The following NAALADL1 variants were observed in gnomAD, a reference collection of about 807,000 sequenced individuals.
The protein encoded by NAALADL1 is aminopeptidase NAALADL1.
NAALADL1 carries 77 observed loss-of-function variants against 82.8 expected under a neutral mutation model. That is an observed-to-expected ratio of 0.93 (90% CI 0.77 to 1.12). NAALADL1 has a LOEUF of 1.12. NAALADL1 is among the 50% of genes most tolerant of loss of function. The pLI, the probability that NAALADL1 is intolerant of heterozygous loss-of-function variation, is 0.00. For synonymous variants in NAALADL1, 358 were observed against 399.2 expected, an observed-to-expected ratio of 0.90 and a Z score of 1.23; for missense variants, 956 against 964.0, an observed-to-expected ratio of 0.99 and a Z score of 0.11.
Position 65,045,236 on chromosome 11 carries a change from G to A in NAALADL1, c.*35C>T, listed in dbSNP as rs540981254. On this transcript the variant is annotated 3_prime_UTR_variant, in exon 18 of 18. Coordinates refer to ENST00000358658, the MANE Select transcript of NAALADL1 (RefSeq NM_005468.3). ...TCAGGAAAGCAGGCAGGAGAGGGTT[G>A]GAGTAAAGGGAGGGCTGAAGAAAGA... 4 of 1,594,040 alleles carry A rather than the reference G, an allele frequency of 2.5e-6. No homozygotes were observed. In the South Asian group the frequency reaches 4.5e-5, roughly 18 times the overall value.
chr11:65,048,438 G>A, intron 8 of NAALADL1, 53 bp from the exon 9 acceptor site: 1 of 1,594,290 alleles, frequency 6.3e-7, no homozygotes, highest in Non-Finnish European at 8.6e-7. Flanking sequence ...ATCCTAGGGT[G>A]CCTTAGGAGA....
chr11:65,056,644 C>T (rs542959356), intron 4 of NAALADL1, among the ~76,000 whole-genome samples: 1 of 151,192 alleles, frequency 6.6e-6, no homozygotes, highest in South Asian at 2.1e-4. Context: ...TGAACTCAGG[C>T]AATCCGCCTG....
rs370053195 is a variant in NAALADL1, at chr11:65,057,793, C to T, written c.480+82G>A. ...GGCGCGCTGTGCCCCAGTTGAGGCA[C>T]GTTCCCTGGGTCAGGGTGGGGAGAA... On this transcript the variant is annotated intron_variant, in intron 3 of 17. Coordinates refer to ENST00000358658, the MANE Select transcript of NAALADL1 (RefSeq NM_005468.3). 4.6e-5 allele frequency: 73 copies of T among 1,586,168 alleles called. No individual in the cohort carries two copies. In the East Asian group the frequency reaches 5.0e-4, roughly 11 times the overall value.
In NAALADL1 at chr11:65,053,671, G is replaced by A. The variant is rs151105349; in HGVS notation, c.993-95C>T. 18 of 1,127,330 alleles carry A rather than the reference G, an allele frequency of 1.6e-5. No individual in the cohort carries two copies. The Admixed American group carries it at 1.6e-4, about 10-fold the overall frequency. The allele number at this position is 1,127,330 out of a possible 1,614,324, so 69.8% of individuals were successfully genotyped here. A position where few individuals can be genotyped will look rare whatever the true frequency, so the allele number is the denominator to read the frequency against. On this transcript the variant is annotated intron_variant, in intron 6 of 17. Coordinates refer to ENST00000358658, the MANE Select transcript of NAALADL1 (RefSeq NM_005468.3). This position sits in a 1 kb window ranked among gnomAD's most constrained non-coding sequence, Gnocchi z 4.3. ...CTGAGGCCCGGAGCTGGAAAGTGAC[G>A]TGGCAAGGCCATTCATTGGCCCCGA...
chr11:65,048,084 A>G, intron 10 of NAALADL1, 36 bp from the exon 11 acceptor site: 1 of 1,613,708 alleles, frequency 6.2e-7, no homozygotes, highest in Non-Finnish European at 8.5e-7. Context: ...TTTGGGCCCC[A>G]GCCCCTTCTT....
At chr11:65,056,263 C>T (rs183890914) in intron 4 of NAALADL1, among the ~76,000 whole-genome samples, 79 of 152,296 alleles carry the variant, frequency 5.2e-4, no homozygotes, top group Admixed American at 4.1e-3. Flanking sequence ...GCATTCAGTA[C>T]ATCCATATTG....
rs1481472557 is a variant in NAALADL1, at chr11:65,046,469, A to T, written c.1657T>A (p.Tyr553Asn). 1 of 1,614,128 alleles carries T rather than the reference A, an allele frequency of 6.2e-7. No individual in the cohort carries two copies. Among genetic ancestry groups the T allele is most frequent in the Non-Finnish European group, 8.5e-7 (1 of 1,180,016 alleles). The change falls in exon 14 of 18, where the codon TAT (tyrosine) becomes AAT (asparagine). Residue 553 changes from tyrosine to asparagine, a missense_variant. Physicochemically the swap from Tyr to Asn is moderately radical, Grantham distance 143 (BLOSUM62 -2). Coordinates refer to ENST00000358658, the MANE Select transcript of NAALADL1 (RefSeq NM_005468.3). Reference sequence around the variant, plus strand: ...CCCGGGTCCAAAAACTTGTCCACATAGTCAAAGGTGTCAAAGGCTGTGTGG... The same window carrying T: ...CCCGGGTCCAAAAACTTGTCCACATTGTCAAAGGTGTCAAAGGCTGTGTGG... ...TYHTAFDTFD[Y>N]VDKFLDPGFS...
intron 8 of NAALADL1, among the ~76,000 whole-genome samples, chr11:65,049,683 G>A (rs1357960472): frequency 6.6e-6 from 1 of 152,068 alleles, no homozygotes; most frequent in Non-Finnish European, 1.5e-5. Context: ...ACCAGCCTCA[G>A]TAACACAGCA....
chr11:65,060,123 C>T (rs545014400), upstream of NAALADL1, among the ~76,000 whole-genome samples: 2 of 147,376 alleles, frequency 1.4e-5, no homozygotes, highest in African/African-American at 2.5e-5. Flanking sequence ...CAGGGCAGAG[C>T]GTGTGTGTGT....
In NAALADL1 at chr11:65,057,966, C is replaced by A. The variant is rs1022977800; in HGVS notation, c.389G>T (p.Cys130Phe). ...VGPTGGIIHS[C>F]HRTEENVTGE... ...GGTCACGTTCTCCTCAGTCCGGTGG[C>A]AGGAGTGGATGATGCCCCCAGTGGG... The change falls in exon 3 of 18, where the codon TGC (cysteine) becomes TTC (phenylalanine). Residue 130 changes from cysteine to phenylalanine, a missense_variant. Coordinates refer to ENST00000358658, the MANE Select transcript of NAALADL1 (RefSeq NM_005468.3). 2 of 1,614,058 alleles carry A rather than the reference C, an allele frequency of 1.2e-6. No homozygotes were observed. Among genetic ancestry groups the A allele is most frequent in the Non-Finnish European group, 1.7e-6 (2 of 1,180,026 alleles).
Position 65,053,603 on chromosome 11 carries a change from A to G in NAALADL1, c.993-27T>C. 2 of 1,555,492 alleles carry G rather than the reference A, an allele frequency of 1.3e-6. No homozygotes were observed. Among genetic ancestry groups the G allele is most frequent in the Non-Finnish European group, 1.7e-6 (2 of 1,148,362 alleles). The stretch of plus-strand genomic sequence containing the variant: ...TGGGGAGGGTGAAGGGTGTGAGAAG[A>G]CTCTTGGCCTTGCCCACTGCCCCCG... On this transcript the variant is annotated intron_variant, in intron 6 of 17. Coordinates refer to ENST00000358658, the MANE Select transcript of NAALADL1 (RefSeq NM_005468.3). The surrounding 1 kb of genome is among the most constrained non-coding windows in gnomAD (Gnocchi z 4.3).
intron 14 of NAALADL1, 37 bp from the exon 15 acceptor site, chr11:65,046,399 GCCTCT>G: frequency 1.2e-6 from 2 of 1,614,204 alleles, no homozygotes; most frequent in Non-Finnish European, 1.7e-6. Flanking sequence ...TCAGTCTTCA[GCCTCT>G]CCTGTCCTGG....
At chr11:65,051,315 CTTTTTTTTTTTTTTTTTTTTTTT>C (rs10535126) in intron 8 of NAALADL1, among the ~76,000 whole-genome samples, 1,041 of 59,612 alleles carry the variant, frequency 0.017, 32 homozygotes, top group African/African-American at 0.062. Context: ...TTCTTTCTTT[CTTTTTTTTTTTTTTTTTTTTTTT>C]TTTTTTTTTT....
rs778438282 is a variant in NAALADL1, at chr11:65,058,321, T to C, written c.185+16A>G. On this transcript the variant is annotated intron_variant, in intron 1 of 17. Transcript: ENST00000358658. ...GGCCTCTGGCAAACGGAGGAGCAGA[T>C]GGCCCCACTTCTCACCTGAGGTTCT... is the stretch of plus-strand genomic sequence containing the variant. The C allele has an allele frequency of 6.2e-7, 1 of 1,614,046 alleles. No individual in the cohort carries two copies. Among genetic ancestry groups the C allele is most frequent in the Non-Finnish European group, 8.5e-7 (1 of 1,179,952 alleles).
At chr11:65,048,466 G>T (rs1322069241) in intron 8 of NAALADL1, 81 bp from the exon 9 acceptor site, 1 of 1,516,822 alleles carries the variant, frequency 6.6e-7, no homozygotes, top group African/African-American at 1.4e-5. Context: ...CTGACGTGAG[G>T]AGGGGAGAGC....
Position 65,056,176 on chromosome 11 carries a change from C to T in NAALADL1, c.603+1195G>A, listed in dbSNP as rs368168549. 3.3e-5 allele frequency among the ~76,000 whole-genome samples: 5 copies of T among 152,134 alleles called. No individual in the cohort carries two copies. In the East Asian group the frequency reaches 9.7e-4, roughly 29 times the overall value. ...CTGGGATTACAGGCATGAGCCACCG[C>T]GTCCAGCCCACTTTTAAAAAAATTG... On this transcript the variant is annotated intron_variant, in intron 4 of 17. Coordinates refer to ENST00000358658, the MANE Select transcript of NAALADL1 (RefSeq NM_005468.3).
At position 65,054,646 on chromosome 11, in the gene NAALADL1, G is replaced by C. The variant is rs747671846; in HGVS notation, c.696C>G (p.Thr232=). 1.2e-5 allele frequency: 20 copies of C among 1,614,020 alleles called. No individual in the cohort carries two copies. Among genetic ancestry groups the C allele is most frequent in the Admixed American group, 3.3e-5 (2 of 60,004 alleles). The change falls in exon 5 of 18, where the codon ACC becomes ACG. Residue 232 remains threonine (T), a synonymous_variant. Coordinates refer to ENST00000358658, the MANE Select transcript of NAALADL1 (RefSeq NM_005468.3). The surrounding 1 kb of genome is among the most constrained non-coding windows in gnomAD (Gnocchi z 4.3). ...GGGGCAGGTACCAGGAGTTGGGAAA[G>C]GTTTCGTCGGGTGAGCTCAGCCCAT... is the stretch of plus-strand genomic sequence containing the variant. ...INDGLSSPDE[T]FPNSWYLPPS...
At position 65,053,636 on chromosome 11, in the gene NAALADL1, G is replaced by T. The variant is rs1196023297; in HGVS notation, c.993-60C>A. 1.4e-6 allele frequency: 2 copies of T among 1,436,662 alleles called. No individual in the cohort carries two copies. Among genetic ancestry groups the T allele is most frequent in the Non-Finnish European group, 1.9e-6 (2 of 1,059,188 alleles). 89.0% of individuals were successfully genotyped at this position (1,436,662 alleles called of 1,614,324 possible). A position where few individuals can be genotyped will look rare whatever the true frequency, so the allele number is the denominator to read the frequency against. On this transcript the variant is annotated intron_variant, in intron 6 of 17. Coordinates refer to ENST00000358658, the MANE Select transcript of NAALADL1 (RefSeq NM_005468.3). This position sits in a 1 kb window ranked among gnomAD's most constrained non-coding sequence, Gnocchi z 4.3. ...CCTTGCCCACTGCCCCCGACCCAGT[G>T]CAGGAGACACTGAGGCCCGGAGCTG...
chr11:65,047,383 G>T (rs1946758375), intron 13 of NAALADL1, 92 bp downstream of exon 13: 2 of 1,073,200 alleles, frequency 1.9e-6, no homozygotes, highest in African/African-American at 1.6e-5. Flanking sequence ...GAGTAAAGGT[G>T]CAGGGTTCAG....
Sources: gnomAD v4.1 joint callset for allele counts (sites outside exome capture counted in the v4.1 genomes callset) on GRCh38, gnomAD v4.1.1 for gene constraint, Gnocchi (gnomAD v3.1) non-coding constraint, MANE v1.5 for transcripts, NCBI Gene and HGNC (gene_info 2026-07-23, HGNC 2026-07-21) for gene names.